The following CACNA1B variants were observed in gnomAD, a reference collection of about 807,000 sequenced individuals.
The protein encoded by CACNA1B is voltage-dependent N-type calcium channel subunit alpha-1B.
CACNA1B carries 70 observed loss-of-function variants against 247.2 expected under a neutral mutation model. The observed-to-expected ratio is 0.28, with a 90% CI of 0.23 to 0.35. The LOEUF (loss-of-function observed/expected upper bound fraction) is 0.35. Among genes scored for constraint, CACNA1B ranks in the 10% least tolerant of loss-of-function variants. The pLI is 1.00. For synonymous variants in CACNA1B, 1,231 were observed against 1,294.4 expected, an observed-to-expected ratio of 0.95 and a Z score of 1.05; for missense variants, 2,367 against 3,197.4, an observed-to-expected ratio of 0.74 and a Z score of 6.26.
intron 17 of CACNA1B, 108 bp from the exon 18 acceptor site, chr9:138,013,021 T>G (rs2133422907): frequency 1.3e-6 from 1 of 772,142 alleles, no homozygotes; most frequent in Non-Finnish European, 2.1e-6. Flanking sequence ...AGAGCAGCAC[T>G]GTGTATTTTT....
intron 20 of CACNA1B, among the ~76,000 whole-genome samples, chr9:138,034,217 GAAGAGA>G (rs1279703918): frequency 5.9e-5 from 9 of 152,322 alleles, no homozygotes; most frequent in Admixed American, 5.9e-4. Context: ...TGAGTAAGAG[GAAGAGA>G]TTGTCTCATT....
rs1374109190 is a variant in CACNA1B, at chr9:138,054,098, CG to C, written c.3968+94del. The stretch of plus-strand genomic sequence containing the variant: ...TTGGGACCAGGTGGAGCTGGTCACA[CG>C]GCGTGGGAGACTCCACTGCAGAGCA... On this transcript the variant is annotated intron_variant, in intron 26 of 46. Coordinates refer to ENST00000371372, the MANE Select transcript of CACNA1B (RefSeq NM_000718.4). The surrounding 1 kb of genome is among the most constrained non-coding windows in gnomAD (Gnocchi z 4.6). 13 of 1,238,430 alleles carry C rather than the reference CG, an allele frequency of 1.0e-5. No homozygotes were observed. In the East Asian group the frequency reaches 2.8e-4, roughly 27 times the overall value. The allele number at this position is 1,238,430 out of a possible 1,614,324, so 76.7% of individuals were successfully genotyped here.
intron 36 of CACNA1B, among the ~76,000 whole-genome samples, chr9:138,095,141 C>T (rs11137370): frequency 0.013 from 1,974 of 152,204 alleles, 14 homozygotes; most frequent in Non-Finnish European, 0.021. Context: ...AATTTTTGTA[C>T]GTCAAAGGAC....
rs1188337076 is a variant in CACNA1B, at chr9:138,007,686, A to C, written c.2092+802A>C. On this transcript the variant is annotated intron_variant, in intron 16 of 46. Coordinates refer to ENST00000371372, the MANE Select transcript of CACNA1B (RefSeq NM_000718.4). The surrounding 1 kb of genome is among the most constrained non-coding windows in gnomAD (Gnocchi z 4.1). ...CTGGGGCCTGAGAATGTGCATTCTC[A>C]CAGGCTGCAGGGGGAGCCCGTGTTT... 6.6e-6 allele frequency among the ~76,000 whole-genome samples: 1 copy of C among 152,138 alleles called. No individual in the cohort carries two copies. The highest frequency in any genetic ancestry group is 1.5e-5 in the Non-Finnish European group (1 of 68,012).
chr9:137,938,132 T>G (rs1309025908), intron 6 of CACNA1B, among the ~76,000 whole-genome samples: 1 of 151,984 alleles, frequency 6.6e-6, no homozygotes, highest in Non-Finnish European at 1.5e-5. Flanking sequence ...AAAACAGTTA[T>G]CAGCCAAGAA....
chr9:138,106,544 C>T (rs111310837), intron 39 of CACNA1B, among the ~76,000 whole-genome samples: 4,417 of 152,206 alleles, frequency 0.029, 137 homozygotes, highest in African/African-American at 0.075. Context: ...CCGAGGTGGG[C>T]GGATCACGAG....
At chr9:138,039,799 G>A (rs1478575356) in intron 20 of CACNA1B, among the ~76,000 whole-genome samples, 3 of 151,976 alleles carry the variant, frequency 2.0e-5, no homozygotes, top group South Asian at 4.2e-4. Flanking sequence ...ATGTGCTTCC[G>A]AGGGATATGT....
At position 138,043,853 on chromosome 9, in the gene CACNA1B, G is replaced by T. The variant is rs770098558; in HGVS notation, c.3366G>T (p.Arg1122=). 1 of 1,613,996 alleles carries T rather than the reference G, an allele frequency of 6.2e-7. No homozygotes were observed. Among genetic ancestry groups the T allele is most frequent in the Non-Finnish European group, 8.5e-7 (1 of 1,179,880 alleles). The change falls in exon 21 of 47, where the codon CGG becomes CGT. Residue 1122 remains arginine, a synonymous_variant. Transcript: ENST00000371372. The part of the protein sequence containing the change: ...EADDVMRSGP[R]PIVPYSSMFC... ...ATGACGTGATGAGGAGCGGCCCCCG[G>T]CCTATCGTCCCATACAGCTCCATGT...
At chr9:138,006,442 A>C (rs1371803669) in intron 15 of CACNA1B, among the ~76,000 whole-genome samples, 2 of 152,070 alleles carry the variant, frequency 1.3e-5, no homozygotes, top group African/African-American at 4.8e-5. Context: ...TCGTCTCTCC[A>C]TGCCTGATCT....
Position 137,954,879 on chromosome 9 carries a change from T to TGTGTGTGTGTGA in CACNA1B, c.1071-818_1071-817insTGTGTGTGTGAG, listed in dbSNP as rs1440887333. 3.3e-3 allele frequency among the ~76,000 whole-genome samples: 478 copies of TGTGTGTGTGTGA among 145,258 alleles called. 3 individuals carry two copies. The highest frequency in any genetic ancestry group is 0.011 in the African/African-American group (416 of 38,710). The stretch of plus-strand genomic sequence containing the variant: ...GCTTGTGTGTGTGTGTGTGTGTGTG[T>TGTGTGTGTGTGA]GAGAGAGAGAGAGAGAGAGAGAGGG... On this transcript the variant is annotated intron_variant, in intron 7 of 46. Coordinates refer to ENST00000371372, the MANE Select transcript of CACNA1B (RefSeq NM_000718.4). The surrounding 1 kb of genome is among the most constrained non-coding windows in gnomAD (Gnocchi z 4.1).
At chr9:137,982,333 A>G (rs1016287231) in intron 12 of CACNA1B, among the ~76,000 whole-genome samples, 1 of 152,144 alleles carries the variant, frequency 6.6e-6, no homozygotes, top group African/African-American at 2.4e-5. Flanking sequence ...TCCTGGTCAC[A>G]TGGGCCTCTC....
intron 41 of CACNA1B, among the ~76,000 whole-genome samples, chr9:138,114,779 G>A (rs1031019208): frequency 6.6e-6 from 1 of 152,162 alleles, no homozygotes; most frequent in Admixed American, 6.5e-5. Flanking sequence ...GTTATGGGGT[G>A]GAAGAGAAGA....
At chr9:138,085,857 G>T (rs1960676428) in intron 36 of CACNA1B, among the ~76,000 whole-genome samples, 1 of 151,236 alleles carries the variant, frequency 6.6e-6, no homozygotes, top group South Asian at 2.1e-4. Flanking sequence ...AGAAGTGAGG[G>T]AATTCATCAC....
chr9:137,922,820 G>A (rs773364406), intron 6 of CACNA1B, among the ~76,000 whole-genome samples: 11 of 152,096 alleles, frequency 7.2e-5, no homozygotes, highest in South Asian at 2.1e-4. Flanking sequence ...GTCACAGTTA[G>A]GATATTGATG....
intron 10 of CACNA1B, among the ~76,000 whole-genome samples, chr9:137,961,637 G>A (rs1217696161): frequency 1.3e-5 from 2 of 152,140 alleles, no homozygotes; most frequent in African/African-American, 4.8e-5. Context: ...TGTGGTTTTT[G>A]CCTTTAGATC....
intron 3 of CACNA1B, among the ~76,000 whole-genome samples, chr9:137,904,746 C>T (rs1369727798): frequency 6.6e-6 from 1 of 152,038 alleles, no homozygotes; most frequent in Non-Finnish European, 1.5e-5. Flanking sequence ...CTGGGAGATC[C>T]TGGGTTGGTT....
At chr9:137,980,396 G>A (rs553073014) in intron 12 of CACNA1B, among the ~76,000 whole-genome samples, 1 of 152,240 alleles carries the variant, frequency 6.6e-6, no homozygotes, top group Non-Finnish European at 1.5e-5. Context: ...TGAAGAGCCT[G>A]AAAGTGTGGC....
intron 6 of CACNA1B, among the ~76,000 whole-genome samples, chr9:137,949,363 G>C (rs201839299): frequency 1.1e-5 from 1 of 95,090 alleles, no homozygotes; most frequent in Non-Finnish European, 2.2e-5. Context: ...GTTTGGTGTT[G>C]GTGTGTGTGG....
In CACNA1B at chr9:137,914,636, G is replaced by T; in HGVS notation, c.623-18G>T. ...CCCTGCCCACGTTGCTTCCTGACCT[G>T]CCCTGTTCTGGCCCCAGGTTTGCAG... On this transcript the variant is annotated intron_variant, in intron 4 of 46. Coordinates refer to ENST00000371372, the MANE Select transcript of CACNA1B (RefSeq NM_000718.4). This position sits in a 1 kb window ranked among gnomAD's most constrained non-coding sequence, Gnocchi z 4.3. 6.2e-7 allele frequency: 1 copy of T among 1,612,314 alleles called. No homozygotes were observed. Among genetic ancestry groups the T allele is most frequent in the Non-Finnish European group, 8.5e-7 (1 of 1,178,920 alleles).
Sources: allele counts gnomAD v4.1 joint callset (sites outside exome capture counted in the v4.1 genomes callset), GRCh38; gene constraint gnomAD v4.1.1; non-coding constraint Gnocchi (gnomAD v3.1); transcripts MANE v1.5; gene names NCBI Gene and HGNC (gene_info 2026-07-23, HGNC 2026-07-21).